The following ITGA9 variants were observed in gnomAD, a reference collection of about 807,000 sequenced individuals.
ITGA9 encodes the protein integrin subunit alpha 9, also known as integrin alpha-9.
In ITGA9, 56 loss-of-function variants were observed where a neutral mutation model predicts 127.8. The observed-to-expected ratio is 0.44, with a 90% CI of 0.35 to 0.55. The LOEUF is 0.55. Ranked by LOEUF, ITGA9 falls within the 20% of genes least tolerant of loss-of-function variation. ITGA9 has a pLI of 0.00. For synonymous variants in ITGA9, 508 were observed against 514.5 expected (o/e 0.99, Z 0.17); for missense variants, 1,196 against 1,347.1 (o/e 0.89, Z 1.76).
chr3:37,495,022 G>C (rs993886239), intron 5 of ITGA9, among the ~76,000 whole-genome samples: 17 of 152,154 alleles, frequency 1.1e-4, no homozygotes, highest in Non-Finnish European at 2.9e-5. Flanking sequence ...CACTCAAGCT[G>C]GAGTGCAGTG....
At chr3:37,487,107 A>C (rs1698617787) in intron 4 of ITGA9, among the ~76,000 whole-genome samples, 1 of 152,110 alleles carries the variant, frequency 6.6e-6, no homozygotes, top group South Asian at 2.1e-4. Flanking sequence ...TGTTTTGGAG[A>C]GAACCATAAA....
chr3:37,801,572 G>T (rs978570961), intron 26 of ITGA9, among the ~76,000 whole-genome samples: 1 of 152,172 alleles, frequency 6.6e-6, no homozygotes, highest in Non-Finnish European at 1.5e-5. Context: ...GGATGCAGAG[G>T]TTGCAGTGAG....
intron 23 of ITGA9, among the ~76,000 whole-genome samples, chr3:37,764,956 T>C (rs1458161559): frequency 6.6e-6 from 1 of 152,246 alleles, no homozygotes; most frequent in Admixed American, 6.5e-5. Flanking sequence ...TATGTTGTTT[T>C]CTTCATAGCA....
chr3:37,457,832 C>T (rs1450259376), intron 1 of ITGA9, among the ~76,000 whole-genome samples: 3 of 152,188 alleles, frequency 2.0e-5, no homozygotes, highest in Admixed American at 6.5e-5. Flanking sequence ...AGACAGCTGT[C>T]TTGCCCAGTG....
chr3:37,722,205 G>C (rs1336409788), intron 18 of ITGA9, among the ~76,000 whole-genome samples: 1 of 152,084 alleles, frequency 6.6e-6, no homozygotes, highest in Non-Finnish European at 1.5e-5. Context: ...CAGCTAAATG[G>C]TACCTCCTCA....
chr3:37,771,725 C>A (rs1212980084), intron 23 of ITGA9, among the ~76,000 whole-genome samples: 6 of 152,202 alleles, frequency 3.9e-5, no homozygotes, highest in Admixed American at 2.6e-4. Flanking sequence ...CTGTTCCCCC[C>A]TTCCAGCCCA....
intron 15 of ITGA9, among the ~76,000 whole-genome samples, chr3:37,552,409 T>TTTA (rs747265327): frequency 7.2e-5 from 11 of 152,098 alleles, no homozygotes; most frequent in Non-Finnish European, 1.5e-4. Context: ...AAGTATAGAT[T>TTTA]TTATTCATGC....
chr3:37,710,925 C>T (rs1444285305), intron 18 of ITGA9, among the ~76,000 whole-genome samples: 1 of 150,532 alleles, frequency 6.6e-6, no homozygotes, highest in East Asian at 1.9e-4. Flanking sequence ...TATTAGTTAT[C>T]TGTTGCTGTG....
chr3:37,512,045 TTTCTTTCTTTCTTTCTTTCTTTC>T (rs1559524578), intron 8 of ITGA9, among the ~76,000 whole-genome samples: 1 of 64,916 alleles, frequency 1.5e-5, no homozygotes, highest in Admixed American at 2.0e-4. Flanking sequence ...TCTTTCTTTC[TTTCTTTCTTTCTTTCTTTCTTTC>T]TTTCTTTCCT....
At chr3:37,555,366 A>AT (rs34675397) in intron 15 of ITGA9, among the ~76,000 whole-genome samples, 63,477 of 152,170 alleles carry the variant, frequency 0.42, 15,380 homozygotes, top group East Asian at 0.71. Flanking sequence ...ACTGTCCAAT[A>AT]TGGTGGCCAG....
At chr3:37,614,938 C>T (rs1188607592) in intron 15 of ITGA9, among the ~76,000 whole-genome samples, 3 of 152,112 alleles carry the variant, frequency 2.0e-5, no homozygotes, top group African/African-American at 7.2e-5. Flanking sequence ...TCCTCTTTTC[C>T]TAATTGAATA....
At chr3:37,796,556 A>G (rs1430100861) in intron 26 of ITGA9, among the ~76,000 whole-genome samples, 1 of 152,034 alleles carries the variant, frequency 6.6e-6, no homozygotes, top group Non-Finnish European at 1.5e-5. Flanking sequence ...GGACAGGTTG[A>G]TTGACAGATG....
At chr3:37,608,493 A>G (rs1699989181) in intron 15 of ITGA9, among the ~76,000 whole-genome samples, 1 of 152,220 alleles carries the variant, frequency 6.6e-6, no homozygotes. Flanking sequence ...TTTATAAAGA[A>G]TGCTGGTTCA....
rs185191959 is a variant in ITGA9, at chr3:37,592,848, G to A, written c.1690-36339G>A. On this transcript the variant is annotated intron_variant, in intron 15 of 27. Transcript: ENST00000264741. ...GGGGTGGGTGCTGTAAGAATGTTTT[G>A]TGAATGCAGGAATGAGGAGAAACAG... Among the ~76,000 whole-genome samples the A allele has an allele frequency of 1.1e-4, 17 of 152,292 alleles. 1 individual carries two copies. In the South Asian group the frequency reaches 2.7e-3, roughly 24 times the overall value.
At chr3:37,687,722 C>T (rs1419167306) in intron 18 of ITGA9, among the ~76,000 whole-genome samples, 1 of 152,184 alleles carries the variant, frequency 6.6e-6, no homozygotes, top group Non-Finnish European at 1.5e-5. Context: ...ACACAGCCAA[C>T]TTGCCCTCCA....
chr3:37,550,522 AT>A, intron 15 of ITGA9, among the ~76,000 whole-genome samples: 1 of 152,326 alleles, frequency 6.6e-6, no homozygotes, highest in East Asian at 1.9e-4. Flanking sequence ...AAATATTCTT[AT>A]CATGTCTGAT....
chr3:37,681,938 C>T (rs1700738480), intron 17 of ITGA9, among the ~76,000 whole-genome samples: 2 of 152,126 alleles, frequency 1.3e-5, no homozygotes, highest in African/African-American at 4.8e-5. Context: ...CCCGCATGTT[C>T]CTACCACCCA....
intron 27 of ITGA9, among the ~76,000 whole-genome samples, chr3:37,804,340 G>T (rs1266007020): frequency 6.6e-6 from 1 of 152,232 alleles, no homozygotes; most frequent in Non-Finnish European, 1.5e-5. Flanking sequence ...ATGTGAGGAA[G>T]ATTTCTGACC....
At chr3:37,795,804 G>A (rs1697165374) in intron 26 of ITGA9, among the ~76,000 whole-genome samples, 1 of 152,092 alleles carries the variant, frequency 6.6e-6, no homozygotes, top group Non-Finnish European at 1.5e-5. Context: ...CTTTCTTACT[G>A]AAAGCGTGGA....
Sources: gnomAD v4.1 joint callset for allele counts (sites outside exome capture counted in the v4.1 genomes callset) on GRCh38, gnomAD v4.1.1 for gene constraint, MANE v1.5 for transcripts, NCBI Gene and HGNC (gene_info 2026-07-23, HGNC 2026-07-21) for gene names.